TMEM236: variants seen among roughly 807,000 people sequenced by gnomAD.
TMEM236 encodes the protein transmembrane protein 236, also known as family with sequence similarity 23, member A.
TMEM236 carries 11 observed loss-of-function variants against 14.7 expected under a neutral mutation model. The ratio of observed to expected loss-of-function variants is 0.75; its 90% CI spans 0.47 to 1.24. The LOEUF is 1.24. Among genes scored for constraint, TMEM236 ranks in the 50% most tolerant of loss-of-function variants. TMEM236 has a pLI of 0.00. For synonymous variants in TMEM236, 182 were observed against 168.6 expected, an observed-to-expected ratio of 1.08 and a Z score of -0.62; for missense variants, 464 against 427.3, an observed-to-expected ratio of 1.09 and a Z score of -0.76.
chr10:17,754,956 G>C (rs1014935443), intron 1 of TMEM236, among the ~76,000 whole-genome samples: 8 of 70,054 alleles, frequency 1.1e-4, no homozygotes, highest in Admixed American at 2.6e-4. Context: ...TTATTTATTT[G>C]AGACAGAGTT....
chr10:17,773,281 T>C (rs1241984950), intron 2 of TMEM236, among the ~76,000 whole-genome samples: 1 of 152,200 alleles, frequency 6.6e-6, no homozygotes, highest in African/African-American at 2.4e-5. Flanking sequence ...CTGATTTCTA[T>C]AGCATCTCTA....
chr10:17,777,661 AG>A (rs1837680578), intron 3 of TMEM236, among the ~76,000 whole-genome samples: 2 of 152,174 alleles, frequency 1.3e-5, no homozygotes, highest in Non-Finnish European at 1.5e-5. Flanking sequence ...CCAAGTTAAA[AG>A]GTCTTTTTAA....
At chr10:17,786,363 C>T (rs1257185553) in intron 3 of TMEM236, among the ~76,000 whole-genome samples, 2 of 152,062 alleles carry the variant, frequency 1.3e-5, no homozygotes, top group Non-Finnish European at 2.9e-5. Flanking sequence ...TGTTCTTTTT[C>T]TCTTCTGTTT....
intron 3 of TMEM236, among the ~76,000 whole-genome samples, chr10:17,782,088 C>A (rs1837760498): frequency 1.3e-5 from 2 of 151,938 alleles, no homozygotes; most frequent in Admixed American, 1.3e-4. Context: ...CATCTAAGGT[C>A]TTGTGACTAC....
At position 17,752,501 on chromosome 10, in the gene TMEM236, T is replaced by A; in HGVS notation, c.206T>A (p.Val69Glu). 6.2e-7 allele frequency: 1 copy of A among 1,613,954 alleles called. No homozygotes were observed. Among genetic ancestry groups the A allele is most frequent in the South Asian group, 1.1e-5 (1 of 91,072 alleles). ...GTGACTCTACTGATCTGGGTTCCTG[T>A]AAAAGTTATCCTGCACAAGAAACGT... ...ALVTLLIWVP[V>E]KVILHKKRYI... is the part of the protein sequence containing the mutation. Residue 69 changes from valine (V) to glutamate (E), a missense_variant, in exon 1 of 4, where the codon GTA (valine) becomes GAA (glutamate). Val to Glu is a moderately radical substitution (Grantham distance 121). Coordinates refer to ENST00000377495, the MANE Select transcript of TMEM236 (RefSeq NM_001098844.3).
intron 2 of TMEM236, among the ~76,000 whole-genome samples, chr10:17,772,646 C>T (rs938165539): frequency 2.8e-4 from 43 of 152,174 alleles, no homozygotes; most frequent in Admixed American, 1.2e-3. Flanking sequence ...GAAAAGTGCA[C>T]GAAACATACA....
chr10:17,787,044 A>G (rs910004261), intron 3 of TMEM236, among the ~76,000 whole-genome samples: 2 of 152,152 alleles, frequency 1.3e-5, no homozygotes, highest in East Asian at 3.9e-4. Context: ...GTGGAACTGT[A>G]AGTCCAATTA....
chr10:17,794,599 T>TCACTG (rs1427760374), intron 3 of TMEM236, among the ~76,000 whole-genome samples: 2 of 152,154 alleles, frequency 1.3e-5, no homozygotes, highest in African/African-American at 4.8e-5. Flanking sequence ...TTCATTCAGA[T>TCACTG]CACTGGTGTG....
chr10:17,789,993 C>T lies in TMEM236; in HGVS notation c.473-5928C>T, dbSNP rs979826303. On this transcript the variant is annotated intron_variant, in intron 3 of 3. Transcript: ENST00000377495. The stretch of plus-strand genomic sequence containing the variant: ...GATTCAAGATCGCGCCATGGCACTC[C>T]AGCCTGGGCGACAGAGCGGGACTCC... Among the ~76,000 whole-genome samples the T allele has an allele frequency of 7.7e-4, 117 of 152,210 alleles. 2 individuals are homozygous for T. Among genetic ancestry groups the T allele is most frequent in the African/African-American group, 2.6e-3 (110 of 41,538 alleles).
Position 17,789,771 on chromosome 10 carries a change from G to A in TMEM236, c.473-6150G>A, listed in dbSNP as rs939482644. Among the ~76,000 whole-genome samples the A allele has an allele frequency of 3.3e-5, 5 of 151,894 alleles. No homozygotes were observed. The South Asian group carries it at 1.0e-3, about 32-fold the overall frequency. ...GGCACGGTGGCTCACGCCTGTAATC[G>A]CAGCACTCTGGGAGGCCTAGGAGGA... On this transcript the variant is annotated intron_variant, in intron 3 of 3. Coordinates refer to ENST00000377495, the MANE Select transcript of TMEM236 (RefSeq NM_001098844.3).
At chr10:17,762,074 A>G (rs893801257) in intron 1 of TMEM236, among the ~76,000 whole-genome samples, 24 of 152,220 alleles carry the variant, frequency 1.6e-4, no homozygotes, top group African/African-American at 5.5e-4. Context: ...GAACACTCCC[A>G]TCAGCTCGCA....
intron 2 of TMEM236, among the ~76,000 whole-genome samples, chr10:17,774,241 C>T (rs1837622607): frequency 6.6e-6 from 1 of 152,104 alleles, no homozygotes; most frequent in African/African-American, 2.4e-5. Flanking sequence ...GATGGGGTTT[C>T]AACATGTTGG....
intron 1 of TMEM236, among the ~76,000 whole-genome samples, chr10:17,762,606 TATATATATATATACACACATAC>T (rs1837387445): frequency 1.3e-5 from 1 of 77,548 alleles, no homozygotes; most frequent in Admixed American, 1.4e-4. Flanking sequence ...TATATATATA[TATATATATATATACACACATAC>T]ATATATATAT....
At chr10:17,772,652 A>G (rs1476797358) in intron 2 of TMEM236, among the ~76,000 whole-genome samples, 9 of 152,210 alleles carry the variant, frequency 5.9e-5, no homozygotes, top group Non-Finnish European at 1.2e-4. Context: ...TGCACGAAAC[A>G]TACAAGTACA....
chr10:17,755,892 A>G (rs1396098286), intron 1 of TMEM236, among the ~76,000 whole-genome samples: 1 of 152,190 alleles, frequency 6.6e-6, no homozygotes, highest in Non-Finnish European at 1.5e-5. Context: ...ACTTACTGTT[A>G]TTATTATTAG....
chr10:17,768,715 T>C (rs1047276074), intron 1 of TMEM236, among the ~76,000 whole-genome samples: 16 of 145,350 alleles, frequency 1.1e-4, no homozygotes, highest in Non-Finnish European at 2.0e-4. Context: ...CATAGGGCTA[T>C]GTATACAACT....
chr10:17,798,642 C>CA lies in TMEM236; in HGVS notation c.*2139dup, dbSNP rs1288738604. On this transcript the variant is annotated 3_prime_UTR_variant, in exon 4 of 4. Coordinates refer to ENST00000377495, the MANE Select transcript of TMEM236 (RefSeq NM_001098844.3). ...TCCCTCTGTTTTAGGATTTTTCTCA[C>CA]ACTGTAAAAGAAGATTTACTCACAG... 1 of 527,428 alleles carries CA rather than the reference C, an allele frequency of 1.9e-6. No homozygotes were observed. Among genetic ancestry groups the CA allele is most frequent in the East Asian group, 5.5e-5 (1 of 18,220 alleles). The allele number at this position is 527,428 out of a possible 1,614,324, so 32.7% of individuals were successfully genotyped here.
chr10:17,755,484 C>T (rs1036766073), intron 1 of TMEM236, among the ~76,000 whole-genome samples: 1,737 of 152,262 alleles, frequency 0.011, 33 homozygotes, highest in African/African-American at 0.04. Flanking sequence ...TGCCAGGAGA[C>T]TTTCATTTTC....
chr10:17,768,810 GA>G (rs1554834541), intron 1 of TMEM236, among the ~76,000 whole-genome samples: 8 of 151,762 alleles, frequency 5.3e-5, no homozygotes, highest in African/African-American at 1.9e-4. Flanking sequence ...CAATAAGAGA[GA>G]AACCATATCA....
Sources: allele counts gnomAD v4.1 joint callset (sites outside exome capture counted in the v4.1 genomes callset), GRCh38; gene constraint gnomAD v4.1.1; transcripts MANE v1.5; gene names NCBI Gene and HGNC (gene_info 2026-07-23, HGNC 2026-07-21).